Variants in CNST observed in about 807,000 individuals in gnomAD.
CNST encodes consortin.
CNST carries 39 observed loss-of-function variants against 72.4 expected under a neutral mutation model. That is an observed-to-expected ratio of 0.54 (90% confidence interval 0.42 to 0.70). The LOEUF (loss-of-function observed/expected upper bound fraction) is 0.70. Among genes scored for constraint, CNST ranks in the 30% least tolerant of loss-of-function variants. CNST has a pLI of 0.00. For synonymous variants in CNST, 332 were observed against 320.1 expected (o/e 1.04, Z -0.40); for missense variants, 871 against 868.5 (o/e 1.00, Z -0.04).
At chr1:246,655,283 A>G (rs1230482522) in intron 9 of CNST, among the ~76,000 whole-genome samples, 1 of 152,170 alleles carries the variant, frequency 6.6e-6, no homozygotes, top group Non-Finnish European at 1.5e-5. Context: ...GTACTTCATC[A>G]TCATGCGTTT....
chr1:246,630,481 C>T (rs7514190), intron 3 of CNST, among the ~76,000 whole-genome samples: 72,675 of 152,068 alleles, frequency 0.48, 19,163 homozygotes, highest in African/African-American at 0.69. Context: ...ATAGAGATGA[C>T]TGAGTCAGTC....
At chr1:246,651,297 C>G (rs550994282) in intron 9 of CNST, among the ~76,000 whole-genome samples, 49 of 152,246 alleles carry the variant, frequency 3.2e-4, no homozygotes, top group African/African-American at 1.2e-3. Flanking sequence ...GCAGGTGGTC[C>G]TTCTCTGTTC....
intron 2 of CNST, among the ~76,000 whole-genome samples, chr1:246,617,575 C>G (rs921760326): frequency 2.0e-5 from 3 of 152,134 alleles, no homozygotes; most frequent in African/African-American, 7.2e-5. Context: ...GCAACAGCCC[C>G]CATGTTACAG....
intron 1 of CNST, among the ~76,000 whole-genome samples, chr1:246,569,682 A>G (rs559735680): frequency 9.2e-5 from 14 of 152,228 alleles, no homozygotes; most frequent in East Asian, 5.8e-4. Flanking sequence ...ATCCACCTCA[A>G]CCTCTCAAAG....
intron 5 of CNST, 153 bp downstream of exon 5, chr1:246,634,163 A>AGG (rs1664976795): frequency 1.6e-6 from 1 of 608,946 alleles, no homozygotes; most frequent in Non-Finnish European, 2.9e-6. Context: ...TTTTACCACA[A>AGG]GTCTATTATA....
rs1487449820 is a variant in CNST, at chr1:246,647,316, C to T, written c.1115C>T (p.Ala372Val). Residue 372 changes from alanine to valine, a missense_variant, in exon 9 of 11, where the codon GCG becomes GTG. Ala to Val is a moderately conservative substitution (Grantham distance 64, BLOSUM62 0). Transcript: ENST00000366513. Reference sequence around the variant, plus strand: ...CTCTGCAGCGCTGAAGCCACGTTAGCGCTCCACACCCAGTCCTCCGAGACA... The same window carrying T: ...CTCTGCAGCGCTGAAGCCACGTTAGTGCTCCACACCCAGTCCTCCGAGACA... ...ELLCSAEATL[A>V]LHTQSSETAG... 1.9e-6 allele frequency: 3 copies of T among 1,614,106 alleles called. No homozygotes were observed. The highest frequency in any genetic ancestry group is 1.1e-5 in the South Asian group (1 of 91,076).
chr1:246,588,056 T>A (rs1661305210), intron 1 of CNST, among the ~76,000 whole-genome samples: 1 of 152,216 alleles, frequency 6.6e-6, no homozygotes, highest in South Asian at 2.1e-4. Context: ...TTATCCTTCT[T>A]GCCTACCTTA....
At chr1:246,639,408 T>G (rs866354755) in intron 6 of CNST, among the ~76,000 whole-genome samples, 20 of 151,980 alleles carry the variant, frequency 1.3e-4, no homozygotes, top group African/African-American at 3.6e-4. Flanking sequence ...AAGAGAGAAT[T>G]TCTTGCTTAG....
intron 9 of CNST, among the ~76,000 whole-genome samples, chr1:246,648,781 T>C (rs1480189461): frequency 1.3e-5 from 2 of 152,194 alleles, no homozygotes; most frequent in Admixed American, 6.5e-5. Context: ...ATTAGGATAC[T>C]AGCTGCCTTT....
At chr1:246,621,208 ACT>A (rs1479886315) in intron 2 of CNST, among the ~76,000 whole-genome samples, 1 of 152,128 alleles carries the variant, frequency 6.6e-6, no homozygotes, top group African/African-American at 2.4e-5. Flanking sequence ...AATTCCTGCT[ACT>A]CTCCTAGCAT....
At chr1:246,662,338 T>C (rs1159609854) in intron 10 of CNST, among the ~76,000 whole-genome samples, 2 of 152,206 alleles carry the variant, frequency 1.3e-5, no homozygotes, top group African/African-American at 4.8e-5. Context: ...TTCAGCTTTG[T>C]AGTAGCCATG....
At position 246,576,803 on chromosome 1, in the gene CNST, A is replaced by G. The variant is rs146519230; in HGVS notation, c.-52+10140A>G. The stretch of plus-strand genomic sequence containing the variant: ...GCCACCGCACCCAGCCACAAATTAT[A>G]TTTCTTAATTCTTTTTATCCTATTA... On this transcript the variant is annotated intron_variant, in intron 1 of 10. Coordinates refer to ENST00000366513, the MANE Select transcript of CNST (RefSeq NM_152609.3). Among the ~76,000 whole-genome samples, 595 of 151,834 alleles carry G rather than the reference A, an allele frequency of 3.9e-3. 8 individuals carry two copies. The highest frequency in any genetic ancestry group is 0.014 in the African/African-American group (571 of 41,268).
chr1:246,601,029 G>A (rs1239195843), intron 2 of CNST, among the ~76,000 whole-genome samples: 1 of 152,278 alleles, frequency 6.6e-6, no homozygotes, highest in East Asian at 1.9e-4. Flanking sequence ...GAGACGCCAG[G>A]CATGGTGGCT....
chr1:246,598,340 A>G (rs935885280), intron 2 of CNST, among the ~76,000 whole-genome samples: 1 of 152,150 alleles, frequency 6.6e-6, no homozygotes, highest in Non-Finnish European at 1.5e-5. Flanking sequence ...AAATTAAGAA[A>G]TTAATTTGAT....
At chr1:246,617,821 T>G (rs957880301) in intron 2 of CNST, among the ~76,000 whole-genome samples, 1 of 152,238 alleles carries the variant, frequency 6.6e-6, no homozygotes, top group Non-Finnish European at 1.5e-5. Context: ...TTTCCTATTT[T>G]ATATGTGCCT....
chr1:246,652,293 C>T (rs932205185), intron 9 of CNST, among the ~76,000 whole-genome samples: 2 of 152,130 alleles, frequency 1.3e-5, no homozygotes, highest in East Asian at 1.9e-4. Context: ...CAAACTTGAA[C>T]GAAATGTGCC....
intron 5 of CNST, 41 bp from the exon 6 acceptor site, chr1:246,634,432 G>T (rs1665002978): frequency 8.1e-7 from 1 of 1,227,004 alleles, no homozygotes; most frequent in South Asian, 1.4e-5. Context: ...TCCTAAATAT[G>T]TTTTATAAGA....
rs1371369181 is a variant in CNST at position 246,647,487 on chromosome 1, C to A, written c.1286C>A (p.Ser429Ter). Reference protein sequence around the residue: ...EDPKVFLSSKSKTEPLISPGC... With the variant: ...EDPKVFLSSK ...CCTAAGGTGTTTCTTTCCAGCAAGT[C>A]AAAGACAGAGCCGTTGATTTCACCA... Residue 429 changes from serine to a stop codon, truncating the protein, a stop_gained, in exon 9 of 11, where the codon TCA (serine) becomes TAA (stop). Transcript: ENST00000366513. LOFTEE classifies it high-confidence loss of function. 2 of 1,614,174 alleles carry A rather than the reference C, an allele frequency of 1.2e-6. No homozygotes were observed. Among genetic ancestry groups the A allele is most frequent in the South Asian group, 1.1e-5 (1 of 91,062 alleles).
rs1444216597 is a variant in CNST at position 246,591,719 on chromosome 1, A to G, written c.157A>G (p.Ser53Gly). The G allele has an allele frequency of 1.1e-5, 18 of 1,614,218 alleles. No homozygotes were observed. Among genetic ancestry groups the G allele is most frequent in the Non-Finnish European group, 1.5e-5 (18 of 1,180,042 alleles). Residue 53 changes from serine (S) to glycine (G), a missense_variant, in exon 2 of 11, where the codon AGC (serine) becomes GGC (glycine). Physicochemically the swap from Ser to Gly is moderately conservative, Grantham distance 56. Transcript: ENST00000366513. ...LDGDGHEHLT[S>G]SDSAMGKPQV... ...CGGGGACGGGCATGAGCATCTGACCAGCAGTGACAGTGCGATGGGAAAGCC... is the reference window on the plus strand; with the variant it reads ...CGGGGACGGGCATGAGCATCTGACCGGCAGTGACAGTGCGATGGGAAAGCC...
Sources: allele counts gnomAD v4.1 joint callset (sites outside exome capture counted in the v4.1 genomes callset), GRCh38; gene constraint gnomAD v4.1.1; transcripts MANE v1.5; gene names NCBI Gene and HGNC (gene_info 2026-07-23, HGNC 2026-07-21).